The following GPC5 variants were observed in gnomAD, a reference collection of about 807,000 sequenced individuals.
GPC5 encodes the protein glypican 5.
In GPC5, 47 loss-of-function variants were observed where a neutral mutation model predicts 53.9. The observed-to-expected ratio is 0.87, with a 90% CI of 0.69 to 1.11. The LOEUF (loss-of-function observed/expected upper bound fraction) is 1.11, where lower values mean the gene tolerates loss of function less well. GPC5 is among the 50% of genes most tolerant of loss of function. GPC5 has a pLI of 0.00. For missense variants in GPC5, 748 were observed against 713.1 expected (o/e 1.05, Z -0.56); for synonymous variants, 286 against 263.3 (o/e 1.09, Z -0.84).
chr13:92,550,713 T>C (rs1166721661), intron 7 of GPC5, among the ~76,000 whole-genome samples: 3 of 151,900 alleles, frequency 2.0e-5, no homozygotes, highest in Admixed American at 1.3e-4. Context: ...AATTCTTTTT[T>C]ATGTAAAAAC....
At chr13:91,402,617 G>A (rs980512385) in intron 1 of GPC5, among the ~76,000 whole-genome samples, 4 of 152,172 alleles carry the variant, frequency 2.6e-5, no homozygotes, top group Non-Finnish European at 5.9e-5. Context: ...TTCTTAAAAA[G>A]TGTTTGCATA....
intron 5 of GPC5, among the ~76,000 whole-genome samples, chr13:91,838,429 T>C (rs998921589): frequency 6.6e-6 from 1 of 152,068 alleles, no homozygotes. Flanking sequence ...AAGGAAGTAA[T>C]GTGTTTTGTT....
intron 7 of GPC5, among the ~76,000 whole-genome samples, chr13:92,258,098 G>GA (rs1273306737): frequency 9.2e-5 from 14 of 151,960 alleles, no homozygotes; most frequent in East Asian, 1.9e-4. Context: ...AGTTTAAAAG[G>GA]AAAAAAACAA....
At chr13:92,395,467 G>A (rs746536332) in intron 7 of GPC5, among the ~76,000 whole-genome samples, 31 of 151,988 alleles carry the variant, frequency 2.0e-4, no homozygotes, top group Non-Finnish European at 4.3e-4. Context: ...CCAATACACT[G>A]TCTTTATTAT....
chr13:92,724,912 A>ACACACACACAC (rs1555306824), intron 7 of GPC5, among the ~76,000 whole-genome samples: 14 of 124,752 alleles, frequency 1.1e-4, no homozygotes, highest in East Asian at 4.2e-4. Context: ...ACACACACAC[A>ACACACACACAC]AGAAAGAAAA....
intron 7 of GPC5, among the ~76,000 whole-genome samples, chr13:92,575,641 G>A (rs1883167847): frequency 6.6e-6 from 1 of 152,118 alleles, no homozygotes; most frequent in Admixed American, 6.6e-5. Context: ...CTGTCTTTCA[G>A]AAGTCCTCCA....
chr13:92,065,988 T>A (rs940650967), intron 6 of GPC5, among the ~76,000 whole-genome samples: 2 of 152,110 alleles, frequency 1.3e-5, no homozygotes, highest in Non-Finnish European at 2.9e-5. Context: ...AAAGATATTA[T>A]TTTAAGTATG....
At chr13:91,876,081 T>C (rs1473347552) in intron 5 of GPC5, among the ~76,000 whole-genome samples, 1 of 152,188 alleles carries the variant, frequency 6.6e-6, no homozygotes, top group Non-Finnish European at 1.5e-5. Context: ...TTCTCATTTT[T>C]CTCTTTCCCC....
At chr13:91,529,524 A>C (rs1541139) in intron 2 of GPC5, among the ~76,000 whole-genome samples, 132,208 of 152,188 alleles carry the variant, frequency 0.87, 58,528 homozygotes, top group East Asian at 1. Context: ...TACTAAAAGT[A>C]TATACCTCGT....
At chr13:92,313,384 A>T (rs1475329073) in intron 7 of GPC5, among the ~76,000 whole-genome samples, 1 of 152,300 alleles carries the variant, frequency 6.6e-6, no homozygotes, top group East Asian at 1.9e-4. Flanking sequence ...TTTATACCTA[A>T]AAGCCACATA....
At chr13:92,685,561 T>TTTTTTTTTTTTA (rs1491180415) in intron 7 of GPC5, among the ~76,000 whole-genome samples, 6 of 100,872 alleles carry the variant, frequency 5.9e-5, no homozygotes, top group Admixed American at 2.5e-4. Flanking sequence ...TTTTTTTTAA[T>TTTTTTTTTTTTA]TTTTTTTTTT....
chr13:92,291,844 C>T (rs1326532336), intron 7 of GPC5, among the ~76,000 whole-genome samples: 1 of 152,116 alleles, frequency 6.6e-6, no homozygotes, highest in African/African-American at 2.4e-5. Flanking sequence ...GCCTTAAGAG[C>T]TGTAACACTC....
chr13:92,327,889 A>G (rs1344272694), intron 7 of GPC5, among the ~76,000 whole-genome samples: 3 of 152,084 alleles, frequency 2.0e-5, no homozygotes, highest in Non-Finnish European at 4.4e-5. Flanking sequence ...GCAACTTCTT[A>G]TATGTCTGAG....
In GPC5 at chr13:92,708,857, C is replaced by CTTTT. The variant is rs752130758; in HGVS notation, c.1562-157385_1562-157382dup. On this transcript the variant is annotated intron_variant, in intron 7 of 7. Coordinates refer to ENST00000377067, the MANE Select transcript of GPC5 (RefSeq NM_004466.6). Reference sequence around the variant, plus strand: ...CTAGCAGCATCTAGCTGGAAACCGCCTTTTTTTTTTTTTTTTTTTTTTTTT... The same window carrying CTTTT: ...CTAGCAGCATCTAGCTGGAAACCGCCTTTTTTTTTTTTTTTTTTTTTTTTTTTTT... Among the ~76,000 whole-genome samples the CTTTT allele has an allele frequency of 3.9e-3, 189 of 48,186 alleles. 69 individuals are homozygous for CTTTT. Among genetic ancestry groups the CTTTT allele is most frequent in the Non-Finnish European group, 5.6e-3 (136 of 24,284 alleles). 31.6% of individuals were successfully genotyped at this position (48,186 alleles called of 152,430 possible).
At chr13:91,967,627 A>C (rs566336974) in intron 6 of GPC5, among the ~76,000 whole-genome samples, 103 of 152,176 alleles carry the variant, frequency 6.8e-4, no homozygotes, top group African/African-American at 2.3e-3. Context: ...AATGCTTTTA[A>C]ATACATCATT....
At chr13:92,020,698 T>TC (rs398023947) in intron 6 of GPC5, among the ~76,000 whole-genome samples, 3 of 150,046 alleles carry the variant, frequency 2.0e-5, no homozygotes, top group Non-Finnish European at 4.4e-5. Flanking sequence ...TTTTTTTTTT[T>TC]ACTATTATGA....
intron 7 of GPC5, among the ~76,000 whole-genome samples, chr13:92,231,633 C>T (rs1295627443): frequency 8.1e-5 from 12 of 148,824 alleles, no homozygotes; most frequent in Admixed American, 2.0e-4. Flanking sequence ...TAGGCTTTGT[C>T]TGATTAAAAG....
intron 7 of GPC5, among the ~76,000 whole-genome samples, chr13:92,441,801 C>A (rs1877579395): frequency 6.6e-6 from 1 of 152,120 alleles, no homozygotes; most frequent in Non-Finnish European, 1.5e-5. Context: ...TATCAAACTA[C>A]CAATGACATT....
In GPC5 at chr13:92,815,208, C is replaced by T. The variant is rs570362053; in HGVS notation, c.1562-51074C>T. 1.1e-4 allele frequency among the ~76,000 whole-genome samples: 17 copies of T among 151,844 alleles called. 1 individual carries two copies. In the East Asian group the frequency reaches 1.2e-3, roughly 10 times the overall value. On this transcript the variant is annotated intron_variant, in intron 7 of 7. Transcript: ENST00000377067. ...GCAGTAACTGCTATGAAAGCAATAG[C>T]GCAAGGAGGTAAAGGTGATGAGAAT...
Sources: gnomAD v4.1 joint callset for allele counts (sites outside exome capture counted in the v4.1 genomes callset) on GRCh38, gnomAD v4.1.1 for gene constraint, MANE v1.5 for transcripts, NCBI Gene and HGNC (gene_info 2026-07-23, HGNC 2026-07-21) for gene names.